KAT2B: variants seen among roughly 807,000 people sequenced by gnomAD.
KAT2B encodes lysine acetyltransferase 2B, also known as histone acetyltransferase KAT2B.
A neutral mutation model predicts 105.9 loss-of-function variants in KAT2B; 36 were observed. The observed-to-expected ratio is 0.34, with a 90% CI of 0.26 to 0.45. The LOEUF (loss-of-function observed/expected upper bound fraction) is 0.45, where lower values mean the gene tolerates loss of function less well. Among genes scored for constraint, KAT2B ranks in the 20% least tolerant of loss-of-function variants. KAT2B has a pLI of 1.00. For missense variants in KAT2B, 820 were observed against 1,021.6 expected, an observed-to-expected ratio of 0.80 and a Z score of 2.69; for synonymous variants, 397 against 377.9, an observed-to-expected ratio of 1.05 and a Z score of -0.59.
At chr3:20,056,104 C>T (rs1697999716) in intron 1 of KAT2B, among the ~76,000 whole-genome samples, 1 of 152,068 alleles carries the variant, frequency 6.6e-6, no homozygotes, top group Admixed American at 6.6e-5. Flanking sequence ...CCTCTGGCTG[C>T]TCTGAGAAGA....
chr3:20,125,360 A>T (rs1477656732), intron 9 of KAT2B, among the ~76,000 whole-genome samples: 2 of 152,072 alleles, frequency 1.3e-5, no homozygotes, highest in African/African-American at 4.8e-5. Context: ...TGGGCCTGTA[A>T]TGAGAATTTG....
rs921639857 is a variant in KAT2B at position 20,153,802 on chromosome 3, A to T, written c.*1277A>T. On this transcript the variant is annotated 3_prime_UTR_variant, in exon 18 of 18. Coordinates refer to ENST00000263754, the MANE Select transcript of KAT2B (RefSeq NM_003884.5). ...TGCAAATTTATACACTGATTTTTGT[A>T]AAGGACAAAGTTTTAAAAGCGTATT... is the stretch of plus-strand genomic sequence containing the variant. 4 of 152,614 alleles carry T rather than the reference A, an allele frequency of 2.6e-5. No individual in the cohort carries two copies. The highest frequency in any genetic ancestry group is 9.6e-5 in the African/African-American group (4 of 41,460). The allele number at this position is 152,614 out of a possible 1,614,324, so 9.5% of individuals were successfully genotyped here.
At chr3:20,087,951 A>T (rs1033915042) in intron 2 of KAT2B, among the ~76,000 whole-genome samples, 8 of 125,626 alleles carry the variant, frequency 6.4e-5, no homozygotes, top group African/African-American at 2.3e-4. Flanking sequence ...ATTAAAAAAA[A>T]ATTTTTTTTT....
At chr3:20,145,840 T>C (rs1699776041) in intron 13 of KAT2B, among the ~76,000 whole-genome samples, 1 of 152,168 alleles carries the variant, frequency 6.6e-6, no homozygotes, top group South Asian at 2.1e-4. Flanking sequence ...ATAGTAAAGC[T>C]TTAACAACTG....
chr3:20,080,645 G>A (rs796995109), intron 2 of KAT2B, among the ~76,000 whole-genome samples: 1 of 152,160 alleles, frequency 6.6e-6, no homozygotes, highest in Non-Finnish European at 1.5e-5. Context: ...ATTTGCAGAG[G>A]AGCTTTCAAA....
intron 8 of KAT2B, among the ~76,000 whole-genome samples, chr3:20,120,588 TG>T (rs1201246326): frequency 6.6e-6 from 1 of 151,928 alleles, no homozygotes; most frequent in East Asian, 1.9e-4. Context: ...AGTTGAGAGG[TG>T]GAGAAGTGGA....
At chr3:20,048,592 T>C (rs1020964375) in intron 1 of KAT2B, among the ~76,000 whole-genome samples, 2 of 152,192 alleles carry the variant, frequency 1.3e-5, no homozygotes, top group African/African-American at 4.8e-5. Flanking sequence ...CTGGGAGCAG[T>C]CAGCACATCT....
intron 11 of KAT2B, among the ~76,000 whole-genome samples, chr3:20,129,622 C>T (rs549860988): frequency 3.3e-5 from 5 of 152,270 alleles, no homozygotes; most frequent in Admixed American, 2.0e-4. Context: ...GTGATCTGCC[C>T]TCCCTGGTCT....
chr3:20,146,804 A>C (rs1368134463), intron 14 of KAT2B, among the ~76,000 whole-genome samples: 1 of 152,226 alleles, frequency 6.6e-6, no homozygotes, highest in African/African-American at 2.4e-5. Context: ...GCACATAGCC[A>C]GTAACGGTCA....
chr3:20,097,208 C>T lies in KAT2B; in HGVS notation c.576+1800C>T, dbSNP rs145744142. Among the ~76,000 whole-genome samples the T allele has an allele frequency of 9.3e-4, 141 of 152,286 alleles. 1 individual carries two copies. Among genetic ancestry groups the T allele is most frequent in the Non-Finnish European group, 1.5e-3 (103 of 68,016 alleles). ...CTATTATTTGTCTTGGAACTGTGCTCCCTGGCAGCTCCCCACTACCCTGTT... is the reference window on the plus strand; with the variant it reads ...CTATTATTTGTCTTGGAACTGTGCTTCCTGGCAGCTCCCCACTACCCTGTT... On this transcript the variant is annotated intron_variant, in intron 3 of 17. Transcript: ENST00000263754.
chr3:20,103,321 T>C (rs1575135076), intron 5 of KAT2B, among the ~76,000 whole-genome samples: 1 of 152,228 alleles, frequency 6.6e-6, no homozygotes, highest in African/African-American at 2.4e-5. Flanking sequence ...CATTTGCGAC[T>C]TTTAGCAGAG....
At chr3:20,040,929 C>T (rs1020084824) in intron 1 of KAT2B, 149 bp downstream of exon 1, 2 of 992,544 alleles carry the variant, frequency 2.0e-6, no homozygotes, top group South Asian at 1.9e-5. Context: ...GCTCTTGTCG[C>T]CCGCGCCCAA....
intron 1 of KAT2B, among the ~76,000 whole-genome samples, chr3:20,052,758 G>A (rs896338158): frequency 3.3e-5 from 5 of 151,930 alleles, no homozygotes; most frequent in Admixed American, 6.6e-5. Context: ...ACCTGAGGTC[G>A]GGAGTTTGAG....
chr3:20,119,755 G>A (rs778432596), intron 8 of KAT2B, 32 bp downstream of exon 8: 10 of 1,611,182 alleles, frequency 6.2e-6, no homozygotes, highest in Non-Finnish European at 8.5e-6. Flanking sequence ...AGAGAGGGCT[G>A]TGACTTGCTC....
At chr3:20,135,477 AC>A (rs533435980) in intron 11 of KAT2B, among the ~76,000 whole-genome samples, 176 of 152,186 alleles carry the variant, frequency 1.2e-3, no homozygotes, top group South Asian at 7.7e-3. Flanking sequence ...ACACAGTGAA[AC>A]CCCGTCTCTA....
intron 11 of KAT2B, among the ~76,000 whole-genome samples, chr3:20,131,422 TAA>T (rs1165775222): frequency 6.6e-6 from 1 of 152,148 alleles, no homozygotes; most frequent in Non-Finnish European, 1.5e-5. Context: ...TAGTCTAAGA[TAA>T]AGATTGCTGA....
At chr3:20,055,962 G>A (rs1559511987) in intron 1 of KAT2B, among the ~76,000 whole-genome samples, 1 of 152,160 alleles carries the variant, frequency 6.6e-6, no homozygotes, top group Non-Finnish European at 1.5e-5. Context: ...GGATGCATTG[G>A]TAGTTAATTT....
At chr3:20,144,542 G>C (rs1699752324) in intron 13 of KAT2B, among the ~76,000 whole-genome samples, 1 of 150,928 alleles carries the variant, frequency 6.6e-6, no homozygotes, top group Admixed American at 6.6e-5. Flanking sequence ...GCCCACCTCG[G>C]CCTCCCAAAG....
chr3:20,085,352 A>G (rs1698593924), intron 2 of KAT2B, among the ~76,000 whole-genome samples: 1 of 152,218 alleles, frequency 6.6e-6, no homozygotes, highest in East Asian at 1.9e-4. Context: ...CTTAAGAAAA[A>G]GATGACCCAG....
Sources: allele counts gnomAD v4.1 joint callset (sites outside exome capture counted in the v4.1 genomes callset), GRCh38; gene constraint gnomAD v4.1.1; transcripts MANE v1.5; gene names NCBI Gene and HGNC (gene_info 2026-07-23, HGNC 2026-07-21).